HR: variants seen among roughly 807,000 people sequenced by gnomAD.
The protein encoded by HR is lysine-specific demethylase hairless.
In HR, 83 loss-of-function variants were observed where a neutral mutation model predicts 128.6. That is an observed-to-expected ratio of 0.65 (90% confidence interval 0.54 to 0.77). The LOEUF is 0.77. Among genes scored for constraint, HR ranks in the 30% least tolerant of loss-of-function variants. HR has a pLI of 0.00. For synonymous variants in HR, 681 were observed against 658.2 expected (o/e 1.03, Z -0.53); for missense variants, 1,490 against 1,574.6 (o/e 0.95, Z 0.91).
chr8:22,120,146 A>C lies in HR; in HGVS notation c.2804T>G (p.Val935Gly). The change falls in exon 13 of 19, where the codon GTC becomes GGC. Residue 935 changes from valine (V) to glycine (G), a missense_variant. Around this residue, in one of 3 missense-constraint regions of HR, gnomAD observed 423 missense variants for 495.9 expected, o/e 0.85. Coordinates refer to ENST00000381418, the MANE Select transcript of HR (RefSeq NM_005144.5). ...CCCCAAAGCTCGGTGCAGCAGGAGG[A>C]CAGAGCCCTCGTCTGACTTTGGGCG... The part of the protein sequence containing the change: ...ELRPKSDEGS[V>G]LLLHRALGDE... 6.3e-7 allele frequency: 1 copy of C among 1,593,990 alleles called. No individual in the cohort carries two copies. Among genetic ancestry groups the C allele is most frequent in the African/African-American group, 1.3e-5 (1 of 74,912 alleles).
chr8:22,121,503 G>C lies in HR; in HGVS notation c.2203+110C>G, dbSNP rs1007854320. ...GGGAGTAGTGGAGATTATTGGGGGTGGGGGGGAGTTGCTAAAGTCCCCGGA... is the reference window on the plus strand; with the variant it reads ...GGGAGTAGTGGAGATTATTGGGGGTCGGGGGGAGTTGCTAAAGTCCCCGGA... On this transcript the variant is annotated intron_variant, in intron 9 of 18. Coordinates refer to ENST00000381418, the MANE Select transcript of HR (RefSeq NM_005144.5). 7.1e-6 allele frequency: 8 copies of C among 1,119,136 alleles called. No homozygotes were observed. In the African/African-American group the frequency reaches 7.7e-5, roughly 11 times the overall value. 69.3% of individuals were successfully genotyped at this position (1,119,136 alleles called of 1,614,324 possible).
In HR at chr8:22,125,619, C is replaced by G. The variant is rs1279953503; in HGVS notation, c.1519G>C (p.Gly507Arg). The G allele has an allele frequency of 1.9e-6, 3 of 1,608,676 alleles. No homozygotes were observed. Among genetic ancestry groups the G allele is most frequent in the Admixed American group, 1.7e-5 (1 of 59,130 alleles). Residue 507 changes from glycine to arginine, a missense_variant, in exon 4 of 19, where the codon GGA becomes CGA. Gly to Arg is a moderately radical substitution (Grantham distance 125, BLOSUM62 -2). Around this residue, in one of 3 missense-constraint regions of HR, gnomAD observed 1,060 missense variants for 1,060.9 expected, o/e 1.00. Coordinates refer to ENST00000381418, the MANE Select transcript of HR (RefSeq NM_005144.5). Reference protein sequence around the residue: ...CQSCAQAAGEGGGHACHSQQV... With the variant: ...CQSCAQAAGERGGHACHSQQV... ...TGAGAGTGGCAGGCGTGCCCTCCTC[C>G]CTCTCCAGCTGCCTGGGCACAACTT... is the stretch of plus-strand genomic sequence containing the variant.
Position 22,116,913 on chromosome 8 carries a change from C to A in HR, c.3340G>T (p.Gly1114Ter). The A allele has an allele frequency of 6.4e-7, 1 of 1,561,344 alleles. No homozygotes were observed. The highest frequency in any genetic ancestry group is 2.3e-5 in the East Asian group (1 of 42,842). Residue 1114 changes from glycine to a stop codon, truncating the protein, a stop_gained, in exon 17 of 19, where the codon GGA (glycine) becomes TGA (stop). Transcript: ENST00000381418. LOFTEE classifies it high-confidence loss of function. This position sits in a 1 kb window ranked among gnomAD's most constrained non-coding sequence, Gnocchi z 4.2. ...CCTGCAGGCACCAGCACGGCCTCTC[C>A]GGGGGCCTGGAGCAGGGTCCAGCAG... ...VSCWTLLQAPGEAVLVPAGAP... is the reference protein window; with the variant it reads ...VSCWTLLQAP
chr8:22,119,101 T>G, intron 15 of HR, 36 bp from the exon 16 acceptor site: 1 of 1,613,600 alleles, frequency 6.2e-7, no homozygotes, highest in African/African-American at 1.3e-5. Context: ...GGCCCAGGGC[T>G]GGTGGCGACA....
Position 22,129,206 on chromosome 8 carries a change from G to A in HR, c.-36C>T, listed in dbSNP as rs765370297. On this transcript the variant is annotated 5_prime_UTR_variant, in exon 2 of 19. Coordinates refer to ENST00000381418, the MANE Select transcript of HR (RefSeq NM_005144.5). Reference sequence around the variant, plus strand: ...CCCTCATGGGGCTCTCCCAGAGGGGGGTCCCTGGAGCATAACCATCAAAGC... The same window carrying A: ...CCCTCATGGGGCTCTCCCAGAGGGGAGTCCCTGGAGCATAACCATCAAAGC... 13 of 1,515,898 alleles carry A rather than the reference G, an allele frequency of 8.6e-6. No homozygotes were observed. The highest frequency in any genetic ancestry group is 2.6e-6 in the Non-Finnish European group (3 of 1,134,898). 93.9% of individuals were successfully genotyped at this position (1,515,898 alleles called of 1,614,324 possible).
intron 16 of HR, 32 bp from the exon 17 acceptor site, chr8:22,117,071 G>T: frequency 6.8e-7 from 1 of 1,461,890 alleles, no homozygotes; most frequent in South Asian, 1.4e-5. Context: ...TGAGCGAGAT[G>T]GGGAGGGAAG....
chr8:22,128,752 G>C lies in HR; in HGVS notation c.419C>G (p.Pro140Arg). ...HLKSDPVAFRPWHCPFLLETK... is the reference protein window; with the variant it reads ...HLKSDPVAFRRWHCPFLLETK... ...CTCCAGAAGGAAAGGGCAGTGCCAG[G>C]GCCGGAAGGCCACAGGGTCACTCTT... The change falls in exon 2 of 19, where the codon CCC becomes CGC. Residue 140 changes from proline to arginine, a missense_variant. By Grantham distance (103) the Pro-to-Arg change is moderately radical. Transcript: ENST00000381418. The C allele has an allele frequency of 1.2e-6, 2 of 1,600,496 alleles. No individual in the cohort carries two copies. The highest frequency in any genetic ancestry group is 1.7e-6 in the Non-Finnish European group (2 of 1,173,998).
At chr8:22,128,409 G>T in intron 2 of HR, 150 bp downstream of exon 2, 1 of 1,121,472 alleles carries the variant, frequency 8.9e-7, no homozygotes, top group Non-Finnish European at 1.3e-6. Flanking sequence ...GCTTGGGGTT[G>T]ACTGTGGGGC....
chr8:22,120,677 G>A (rs776068377), intron 11 of HR, 39 bp downstream of exon 11: 2 of 1,515,002 alleles, frequency 1.3e-6, no homozygotes, highest in African/African-American at 2.8e-5. Context: ...GGGCAGGTGG[G>A]GTGGCCAGGG....
Position 22,125,593 on chromosome 8 carries a change from C to T in HR, c.1545G>A (p.Gln515=), listed in dbSNP as rs1261794439. Residue 515 remains glutamine (Q), a synonymous_variant, in exon 4 of 19, where the codon CAG becomes CAA. Coordinates refer to ENST00000381418, the MANE Select transcript of HR (RefSeq NM_005144.5). ...GEGGGHACHS[Q]QVRRSPLGGE... is the part of the protein sequence containing the mutation. ...GGGCAATGGCTCACCTCCGCACTTGCTGAGAGTGGCAGGCGTGCCCTCCTC... is the reference window on the plus strand; with the variant it reads ...GGGCAATGGCTCACCTCCGCACTTGTTGAGAGTGGCAGGCGTGCCCTCCTC... 6.2e-7 allele frequency: 1 copy of T among 1,612,906 alleles called. No individual in the cohort carries two copies.
Position 22,123,655 on chromosome 8 carries a change from T to C in HR, c.1909A>G (p.Lys637Glu), listed in dbSNP as rs773599218. 142 of 1,174,616 alleles carry C rather than the reference T, an allele frequency of 1.2e-4. No individual in the cohort carries two copies. Among genetic ancestry groups the C allele is most frequent in the Non-Finnish European group, 1.5e-4 (136 of 896,186 alleles). The allele number at this position is 1,174,616 out of a possible 1,614,324, so 72.8% of individuals were successfully genotyped here. Reference protein sequence around the residue: ...RVAGTGRAREKAGFQEQSAEE... With the variant: ...RVAGTGRAREEAGFQEQSAEE... ...CCCCCAGCCCCTCTCCTACCTGCTTTCTCCCTGGCCCGCCCAGTGCCTGCC... is the reference window on the plus strand; with the variant it reads ...CCCCCAGCCCCTCTCCTACCTGCTTCCTCCCTGGCCCGCCCAGTGCCTGCC... The change falls in exon 6 of 19, where the codon AAA becomes GAA. Residue 637 changes from lysine (K) to glutamate (E), a missense_variant. This residue lies in a region of HR where 1,060 missense variants were observed against 1,060.9 expected (regional missense o/e 1.00). Coordinates refer to ENST00000381418, the MANE Select transcript of HR (RefSeq NM_005144.5).
rs1826741341 is a variant in HR, at chr8:22,121,156, C to T, written c.2276G>A (p.Cys759Tyr). 6.2e-7 allele frequency: 1 copy of T among 1,613,960 alleles called. No individual in the cohort carries two copies. The highest frequency in any genetic ancestry group is 2.2e-5 in the East Asian group (1 of 44,878). The change falls in exon 10 of 19, where the codon TGC becomes TAC. Residue 759 changes from cysteine (C) to tyrosine (Y), a missense_variant. This residue lies in a region of HR where 1,060 missense variants were observed against 1,060.9 expected (regional missense o/e 1.00). Coordinates refer to ENST00000381418, the MANE Select transcript of HR (RefSeq NM_005144.5). ...GACCGCGGTAGAAGCCAGCAGTTCG[C>T]AGAGAGAAGGACAAGGCAGGGGCCC... Reference protein sequence around the residue: ...GRGPLPCPSLCELLASTAVKL... With the variant: ...GRGPLPCPSLYELLASTAVKL...
In HR at chr8:22,116,797, G is replaced by A. The variant is rs1310593364; in HGVS notation, c.3378+78C>T. The A allele has an allele frequency of 1.3e-6, 2 of 1,513,394 alleles. No homozygotes were observed. Among genetic ancestry groups the A allele is most frequent in the Admixed American group, 2.0e-5 (1 of 51,004 alleles). The allele number at this position is 1,513,394 out of a possible 1,614,324, so 93.7% of individuals were successfully genotyped here. Reference sequence around the variant, plus strand: ...CCCGGCTCTTGGGTATTGAGGGGATGTTGGATGCCTGCGGCCTTGATTGGG... The same window carrying A: ...CCCGGCTCTTGGGTATTGAGGGGATATTGGATGCCTGCGGCCTTGATTGGG... On this transcript the variant is annotated intron_variant, in intron 17 of 18. Transcript: ENST00000381418. This position sits in a 1 kb window ranked among gnomAD's most constrained non-coding sequence, Gnocchi z 4.2.
Position 22,122,603 on chromosome 8 carries a change from C to T in HR, c.2011G>A (p.Ala671Thr). 2 of 1,607,698 alleles carry T rather than the reference C, an allele frequency of 1.2e-6. No individual in the cohort carries two copies. Among genetic ancestry groups the T allele is most frequent in the Non-Finnish European group, 1.7e-6 (2 of 1,176,642 alleles). ...LTQFVSSQAL[A>T]ELSTAMHQVW... ...TGGTGCATTGCAGTGCTCAGCTCTG[C>T]CAAAGCTGGGGGTGGGGGTGGGCAG... The change falls in exon 8 of 19, where the codon GCA becomes ACA. Residue 671 changes from alanine (A) to threonine (T), a missense_variant. Ala to Thr is a moderately conservative substitution (Grantham distance 58, BLOSUM62 0). Transcript: ENST00000381418.
At chr8:22,126,828 C>T (rs1339698423) in intron 3 of HR, among the ~76,000 whole-genome samples, 6 of 152,202 alleles carry the variant, frequency 3.9e-5, no homozygotes, top group Admixed American at 2.0e-4. Context: ...CACACCAGGG[C>T]TTGGGAGGAG....
chr8:22,115,978 A>C (rs536583949), intron 18 of HR, among the ~76,000 whole-genome samples: 37 of 152,156 alleles, frequency 2.4e-4, no homozygotes, highest in African/African-American at 8.4e-4. Context: ...TAAAAATCCC[A>C]AAAAAATTTA....
chr8:22,125,519 G>A lies in HR; in HGVS notation c.1557-15C>T, dbSNP rs767085534. 7 of 1,613,086 alleles carry A rather than the reference G, an allele frequency of 4.3e-6. 1 individual carries two copies. The South Asian group carries it at 6.6e-5, about 15-fold the overall frequency. ...CCAGAGGCGATCTGGAGAGAGGGCAGGGGGAGGTGAGCAGGGAGCCCTGGC... is the reference window on the plus strand; with the variant it reads ...CCAGAGGCGATCTGGAGAGAGGGCAAGGGGAGGTGAGCAGGGAGCCCTGGC... On this transcript the variant is annotated splice_polypyrimidine_tract_variant and intron_variant, in intron 4 of 18. Transcript: ENST00000381418.
intron 1 of HR, 71 bp from the exon 2 acceptor site, chr8:22,129,281 T>A (rs1826989518): frequency 1.1e-5 from 15 of 1,357,300 alleles, no homozygotes; most frequent in Non-Finnish European, 1.5e-5. Context: ...TGGCACAGAG[T>A]GGGCACCGCC....
At chr8:22,123,875 C>G in intron 5 of HR, 62 bp from the exon 6 acceptor site, 1 of 1,536,696 alleles carries the variant, frequency 6.5e-7, no homozygotes, top group Non-Finnish European at 8.8e-7. Context: ...TGGAAGGCTT[C>G]ACGTGGGAAG....
Sources: gnomAD v4.1 joint callset for allele counts (sites outside exome capture counted in the v4.1 genomes callset) on GRCh38, gnomAD v4.1.1 for gene constraint, gnomAD v4.1.1 regional missense constraint, Gnocchi (gnomAD v3.1) non-coding constraint, MANE v1.5 for transcripts, NCBI Gene and HGNC (gene_info 2026-07-23, HGNC 2026-07-21) for gene names.